The following EDEM2 variants were observed in gnomAD, a reference collection of about 807,000 sequenced individuals.
EDEM2 encodes ER degradation-enhancing alpha-mannosidase-like protein 2.
Under a neutral mutation model 64.8 loss-of-function variants are expected in EDEM2, and 39 were observed. That is an observed-to-expected ratio of 0.60 (90% CI 0.47 to 0.79). The LOEUF is 0.79. Ranked by LOEUF, EDEM2 falls within the 30% of genes least tolerant of loss-of-function variation. The pLI is 0.00. For synonymous variants in EDEM2, 296 were observed against 291.5 expected, an observed-to-expected ratio of 1.02 and a Z score of -0.16; for missense variants, 609 against 731.3, an observed-to-expected ratio of 0.83 and a Z score of 1.93.
intron 3 of EDEM2, among the ~76,000 whole-genome samples, chr20:35,144,712 C>T (rs895127815): frequency 6.6e-6 from 1 of 152,156 alleles, no homozygotes; most frequent in Non-Finnish European, 1.5e-5. Flanking sequence ...GTCTCTGTAT[C>T]CCCCATAGAG....
At position 35,122,094 on chromosome 20, in the gene EDEM2, T is replaced by A. The variant is rs570211707; in HGVS notation, c.1114+1796A>T. On this transcript the variant is annotated intron_variant, in intron 9 of 10. Coordinates refer to ENST00000374492, the MANE Select transcript of EDEM2 (RefSeq NM_018217.3). ...ATAAGCCACTGCATCTGGCCAGTAG[T>A]GTCTTACTTTCCATGAATGCCTTCC... 5.9e-4 allele frequency among the ~76,000 whole-genome samples: 90 copies of A among 152,262 alleles called. 1 individual carries two copies. The highest frequency in any genetic ancestry group is 2.1e-3 in the African/African-American group (88 of 41,552).
At chr20:35,146,040 T>C (rs1600721095) in intron 2 of EDEM2, among the ~76,000 whole-genome samples, 1 of 150,836 alleles carries the variant, frequency 6.6e-6, no homozygotes, top group Non-Finnish European at 1.5e-5. Flanking sequence ...TATTTTATTA[T>C]ATGTAAATTA....
At chr20:35,132,380 C>T (rs1178850293) in intron 6 of EDEM2, among the ~76,000 whole-genome samples, 1 of 151,768 alleles carries the variant, frequency 6.6e-6, no homozygotes, top group Non-Finnish European at 1.5e-5. Flanking sequence ...CGGCCAGGCG[C>T]GGTGGCTCAT....
At chr20:35,138,033 A>G (rs2146109095) in intron 4 of EDEM2, 28 bp from the exon 5 acceptor site, 1 of 1,613,078 alleles carries the variant, frequency 6.2e-7, no homozygotes, top group Non-Finnish European at 8.5e-7. Flanking sequence ...AGCAAATGGC[A>G]CAGTCCAAAG....
intron 2 of EDEM2, 55 bp from the exon 3 acceptor site, chr20:35,145,073 T>C: frequency 2.5e-6 from 4 of 1,584,952 alleles, no homozygotes; most frequent in South Asian, 1.1e-5. Context: ...TACCAGATAT[T>C]ATGGCTGCCC....
In EDEM2 at chr20:35,134,769, C is replaced by G; in HGVS notation, c.671G>C (p.Arg224Pro). The G allele has an allele frequency of 6.2e-7, 1 of 1,613,706 alleles. No individual in the cohort carries two copies. The highest frequency in any genetic ancestry group is 8.5e-7 in the Non-Finnish European group (1 of 1,180,026). ...GATATCTGACCGGCTCTCCCAGAGG[C>G]GCATCAAAGCCACTCTGGCCACATC... The part of the protein sequence containing the change: ...FEDVARVALM[R>P]LWESRSDIGL... The change falls in exon 6 of 11, where the codon CGC becomes CCC. Residue 224 changes from arginine (R) to proline (P), a missense_variant. Arg to Pro is a moderately radical substitution (Grantham distance 103, BLOSUM62 -2). Transcript: ENST00000374492.
chr20:35,145,307 A>G (rs1282544683), intron 2 of EDEM2, among the ~76,000 whole-genome samples: 1 of 152,222 alleles, frequency 6.6e-6, no homozygotes, highest in Non-Finnish European at 1.5e-5. Context: ...AGCTTAAAGC[A>G]CAGGCCTTTC....
At chr20:35,135,026 G>A in intron 5 of EDEM2, 77 bp from the exon 6 acceptor site, 1 of 1,423,082 alleles carries the variant, frequency 7.0e-7, no homozygotes, top group Non-Finnish European at 9.7e-7. Context: ...CAAAGCCTGG[G>A]ACCTTAGCCA....
intron 1 of EDEM2, 26 bp from the exon 2 acceptor site, chr20:35,146,961 A>G: frequency 6.2e-7 from 1 of 1,606,044 alleles, no homozygotes. Context: ...GAAATCAGGC[A>G]TGGGGCAAGA....
chr20:35,141,082 T>TACACTCCC (rs1249858205), intron 4 of EDEM2, among the ~76,000 whole-genome samples: 4 of 118,406 alleles, frequency 3.4e-5, no homozygotes, highest in Admixed American at 1.2e-4. Flanking sequence ...ATTGCACCAC[T>TACACTCCC]ACACTCCCGC....
At chr20:35,135,195 G>A (rs1163003615) in intron 5 of EDEM2, among the ~76,000 whole-genome samples, 1 of 152,212 alleles carries the variant, frequency 6.6e-6, no homozygotes, top group African/African-American at 2.4e-5. Context: ...GCAGGGAGCA[G>A]GCTGTGCTCC....
chr20:35,128,761 G>A (rs2085469534), intron 7 of EDEM2, among the ~76,000 whole-genome samples: 1 of 150,198 alleles, frequency 6.7e-6, no homozygotes, highest in African/African-American at 2.5e-5. Context: ...ATGTGTGTTT[G>A]TAGCTTAGTT....
intron 8 of EDEM2, among the ~76,000 whole-genome samples, chr20:35,124,298 T>C (rs980763056): frequency 6.6e-6 from 1 of 152,190 alleles, no homozygotes; most frequent in Non-Finnish European, 1.5e-5. Flanking sequence ...AGAGTCAATG[T>C]CAGCTAACAG....
At chr20:35,140,912 G>C (rs2085644635) in intron 4 of EDEM2, among the ~76,000 whole-genome samples, 1 of 152,066 alleles carries the variant, frequency 6.6e-6, no homozygotes, top group African/African-American at 2.4e-5. Context: ...CTGAGGTCAG[G>C]AGTTCGAGAC....
intron 7 of EDEM2, among the ~76,000 whole-genome samples, chr20:35,126,894 A>G (rs2085440927): frequency 6.6e-6 from 1 of 152,176 alleles, no homozygotes; most frequent in South Asian, 2.1e-4. Flanking sequence ...CCTGGGCAAC[A>G]AGAGTGAAAC....
intron 1 of EDEM2, 49 bp from the exon 2 acceptor site, chr20:35,146,984 G>A: frequency 6.3e-7 from 1 of 1,588,714 alleles, no homozygotes; most frequent in Non-Finnish European, 8.6e-7. Flanking sequence ...ACAAAAACAA[G>A]CGGGGGAAGA....
rs1226360650 is a variant in EDEM2, at chr20:35,124,019, T to C, written c.985A>G (p.Ile329Val). The C allele has an allele frequency of 6.2e-7, 1 of 1,613,492 alleles. No homozygotes were observed. The highest frequency in any genetic ancestry group is 1.3e-5 in the African/African-American group (1 of 74,922). The change falls in exon 9 of 11, where the codon ATT becomes GTT. Residue 329 changes from isoleucine (I) to valine (V), a missense_variant. Coordinates refer to ENST00000374492, the MANE Select transcript of EDEM2 (RefSeq NM_018217.3). ...WPGLQSLIGD[I>V]DNAMRTFLNY... The stretch of plus-strand genomic sequence containing the variant: ...AGGAAGGTCCTCATGGCATTGTCAA[T>C]GTCTCCAATGAGGCTCTGTGGGAGA...
intron 2 of EDEM2, 83 bp downstream of exon 2, chr20:35,146,742 G>T: frequency 6.9e-7 from 1 of 1,455,774 alleles, no homozygotes. Context: ...AGGAGACCAT[G>T]AAGCCACCAG....
intron 5 of EDEM2, among the ~76,000 whole-genome samples, chr20:35,136,945 T>C (rs1362888752): frequency 3.3e-5 from 5 of 151,952 alleles, no homozygotes; most frequent in East Asian, 1.9e-4. Flanking sequence ...GACAAAAACA[T>C]GGAGGCTTGA....
Sources: allele counts gnomAD v4.1 joint callset (sites outside exome capture counted in the v4.1 genomes callset), GRCh38; gene constraint gnomAD v4.1.1; transcripts MANE v1.5; gene names NCBI Gene and HGNC (gene_info 2026-07-23, HGNC 2026-07-21).